CLSTN2: variants seen among roughly 807,000 people sequenced by gnomAD.
CLSTN2 encodes the protein calsyntenin 2, also known as calsyntenin-2.
A neutral mutation model predicts 101.2 loss-of-function variants in CLSTN2; 48 were observed. The ratio of observed to expected loss-of-function variants is 0.47; its 90% confidence interval spans 0.38 to 0.60. CLSTN2 has a LOEUF of 0.60. Ranked by LOEUF, CLSTN2 falls within the 20% of genes least tolerant of loss-of-function variation. The pLI is 0.00. For synonymous variants in CLSTN2, 481 were observed against 463.6 expected (o/e 1.04, Z -0.48); for missense variants, 1,160 against 1,238.2 (o/e 0.94, Z 0.95).
intron 5 of CLSTN2, among the ~76,000 whole-genome samples, chr3:140,427,594 G>A (rs1484913122): frequency 6.6e-6 from 1 of 152,024 alleles, no homozygotes; most frequent in Non-Finnish European, 1.5e-5. Context: ...CTTGATAGTG[G>A]AGGGCTTGGG....
intron 2 of CLSTN2, among the ~76,000 whole-genome samples, chr3:140,244,376 G>A (rs779306623): frequency 2.0e-5 from 3 of 152,090 alleles, no homozygotes; most frequent in Non-Finnish European, 4.4e-5. Flanking sequence ...ATGTAGTATG[G>A]GACCCACCCT....
chr3:140,272,190 G>A (rs944565492), intron 2 of CLSTN2, among the ~76,000 whole-genome samples: 3 of 152,076 alleles, frequency 2.0e-5, no homozygotes, highest in African/African-American at 7.2e-5. Context: ...GATATTGGGG[G>A]AAAAAACAGT....
At chr3:140,187,274 C>T (rs553551026) in intron 2 of CLSTN2, among the ~76,000 whole-genome samples, 1 of 152,246 alleles carries the variant, frequency 6.6e-6, no homozygotes, top group Non-Finnish European at 1.5e-5. Flanking sequence ...CTGGCCATAC[C>T]ACTGGGGTGT....
In CLSTN2 at chr3:140,573,672, G is replaced by C. The variant is rs969003118; in HGVS notation, c.*7419G>C. 1.3e-5 allele frequency: 2 copies of C among 152,272 alleles called. No individual in the cohort carries two copies. The highest frequency in any genetic ancestry group is 2.9e-5 in the Non-Finnish European group (2 of 68,120). The allele number at this position is 152,272 out of a possible 1,614,324, so 9.4% of individuals were successfully genotyped here. On this transcript the variant is annotated 3_prime_UTR_variant, in exon 17 of 17. Coordinates refer to ENST00000458420, the MANE Select transcript of CLSTN2 (RefSeq NM_022131.3). ...TCAGAGGGCCAGGGCCCTGGGCTTTGGGGTGGAAGGACAGAAGAGTAGCAG... is the reference window on the plus strand; with the variant it reads ...TCAGAGGGCCAGGGCCCTGGGCTTTCGGGTGGAAGGACAGAAGAGTAGCAG...
intron 1 of CLSTN2, among the ~76,000 whole-genome samples, chr3:140,109,296 C>G (rs2009114287): frequency 6.6e-6 from 1 of 152,164 alleles, no homozygotes; most frequent in Non-Finnish European, 1.5e-5. Context: ...TGTAGAGAAT[C>G]ATAGTCACCT....
chr3:140,354,004 G>A (rs1021758177), intron 2 of CLSTN2, among the ~76,000 whole-genome samples: 2 of 152,122 alleles, frequency 1.3e-5, no homozygotes, highest in Non-Finnish European at 2.9e-5. Flanking sequence ...TTTAGCTTGG[G>A]AAATCAGCTC....
At chr3:139,964,822 A>G (rs1391428163) in intron 1 of CLSTN2, among the ~76,000 whole-genome samples, 1 of 152,190 alleles carries the variant, frequency 6.6e-6, no homozygotes. Flanking sequence ...GGTTGCATGC[A>G]GTGCTATTTC....
At chr3:140,130,426 C>T (rs1000039650) in intron 1 of CLSTN2, among the ~76,000 whole-genome samples, 3 of 152,166 alleles carry the variant, frequency 2.0e-5, no homozygotes, top group African/African-American at 7.2e-5. Context: ...TTCCGGGAAA[C>T]CCTCCTGGAA....
intron 2 of CLSTN2, among the ~76,000 whole-genome samples, chr3:140,315,902 C>G (rs2087227177): frequency 6.6e-6 from 1 of 152,186 alleles, no homozygotes. Flanking sequence ...TGTGTGGCCT[C>G]TGCCTCCAGA....
intron 2 of CLSTN2, among the ~76,000 whole-genome samples, chr3:140,384,876 G>A (rs368662591): frequency 6.4e-4 from 97 of 152,302 alleles, no homozygotes; most frequent in African/African-American, 2.3e-3. Flanking sequence ...GAACATTTGG[G>A]AACTTGCAAT....
At chr3:140,240,170 C>CTATATA (rs2086449650) in intron 2 of CLSTN2, among the ~76,000 whole-genome samples, 1 of 16,038 alleles carries the variant, frequency 6.2e-5, no homozygotes, top group South Asian at 3.4e-3. Flanking sequence ...CTCTCTCTCT[C>CTATATA]TCTCTATATA....
chr3:140,323,885 C>G (rs951705107), intron 2 of CLSTN2, among the ~76,000 whole-genome samples: 1 of 152,184 alleles, frequency 6.6e-6, no homozygotes. Context: ...TGAGACTAAG[C>G]TCTTGCTTTT....
chr3:140,443,606 C>A (rs1383405786), intron 5 of CLSTN2, among the ~76,000 whole-genome samples: 2 of 152,210 alleles, frequency 1.3e-5, no homozygotes, highest in African/African-American at 2.4e-5. Flanking sequence ...TGCTCCCTTT[C>A]TCTTCACTTA....
chr3:140,413,923 A>C (rs891218011), intron 4 of CLSTN2, among the ~76,000 whole-genome samples: 1 of 152,166 alleles, frequency 6.6e-6, no homozygotes, highest in Non-Finnish European at 1.5e-5. Flanking sequence ...TGTATATTAC[A>C]AGGCCACAGC....
At chr3:139,969,755 C>A (rs2107818366) in intron 1 of CLSTN2, among the ~76,000 whole-genome samples, 1 of 152,240 alleles carries the variant, frequency 6.6e-6, no homozygotes, top group Non-Finnish European at 1.5e-5. Context: ...CCTGTGCCTC[C>A]AGCCTCCTTT....
intron 1 of CLSTN2, among the ~76,000 whole-genome samples, chr3:139,951,449 T>C (rs67315373): frequency 0.013 from 2,011 of 152,272 alleles, 23 homozygotes; most frequent in Middle Eastern, 0.048. Flanking sequence ...GGGGAGCCCA[T>C]AGATCATGTG....
At chr3:139,991,506 T>C (rs1228924183) in intron 1 of CLSTN2, among the ~76,000 whole-genome samples, 1 of 152,184 alleles carries the variant, frequency 6.6e-6, no homozygotes, top group Admixed American at 6.5e-5. Flanking sequence ...GCAGTCAAAA[T>C]AGAACAGGGA....
intron 2 of CLSTN2, among the ~76,000 whole-genome samples, chr3:140,377,914 ATT>A (rs2087934371): frequency 6.6e-6 from 1 of 152,210 alleles, no homozygotes; most frequent in Admixed American, 6.5e-5. Context: ...TGCAGGCTGC[ATT>A]CATGGTAAGT....
chr3:140,277,650 A>C (rs372074080), intron 2 of CLSTN2, among the ~76,000 whole-genome samples: 9 of 152,290 alleles, frequency 5.9e-5, no homozygotes, highest in African/African-American at 2.2e-4. Context: ...AATTATTTGT[A>C]GATTTGTTTC....
Sources: gnomAD v4.1 joint callset for allele counts (sites outside exome capture counted in the v4.1 genomes callset) on GRCh38, gnomAD v4.1.1 for gene constraint, MANE v1.5 for transcripts, NCBI Gene and HGNC (gene_info 2026-07-23, HGNC 2026-07-21) for gene names.